TENM2: variants seen among roughly 807,000 people sequenced by gnomAD.
The protein encoded by TENM2 is teneurin transmembrane protein 2.
A neutral mutation model predicts 245.2 loss-of-function variants in TENM2; 52 were observed. That is an observed-to-expected ratio of 0.21 (90% CI 0.17 to 0.27). The LOEUF (loss-of-function observed/expected upper bound fraction) is 0.27, where lower values mean the gene tolerates loss of function less well. Among genes scored for constraint, TENM2 ranks in the 10% least tolerant of loss-of-function variants. TENM2 has a pLI of 1.00. For synonymous variants in TENM2, 1,363 were observed against 1,438.9 expected, an observed-to-expected ratio of 0.95 and a Z score of 1.19; for missense variants, 3,046 against 3,666.8, an observed-to-expected ratio of 0.83 and a Z score of 4.37.
chr5:167,029,566 C>A, the TENM2 span, among the ~76,000 whole-genome samples: 1 of 152,100 alleles, frequency 6.6e-6, no homozygotes, highest in Non-Finnish European at 1.5e-5. Flanking sequence ...AAACCTGGCT[C>A]CATTGCTTTC....
At chr5:167,595,324 A>C (rs943661974) in intron 2 of TENM2, among the ~76,000 whole-genome samples, 2 of 152,172 alleles carry the variant, frequency 1.3e-5, no homozygotes, top group African/African-American at 4.8e-5. Context: ...AGGTGCCAAG[A>C]AATATCGAGC....
the TENM2 span, among the ~76,000 whole-genome samples, chr5:167,006,815 T>G: frequency 2.0e-5 from 3 of 152,010 alleles, no homozygotes; most frequent in East Asian, 5.8e-4. Context: ...TACAGGCATG[T>G]GCCACCACGC....
intron 12 of TENM2, among the ~76,000 whole-genome samples, chr5:168,151,906 A>G (rs974833042): frequency 1.4e-4 from 22 of 152,220 alleles, no homozygotes; most frequent in African/African-American, 5.3e-4. Flanking sequence ...ATGATGACCA[A>G]TGATTCCAGG....
At chr5:167,282,699 G>A (rs1771127870), upstream of TENM2, among the ~76,000 whole-genome samples, 1 of 152,146 alleles carries the variant, frequency 6.6e-6, no homozygotes, top group Non-Finnish European at 1.5e-5. Context: ...AGTGGTCATG[G>A]TAGGACTGGC....
the TENM2 span, among the ~76,000 whole-genome samples, chr5:167,068,690 G>A: frequency 2.0e-5 from 3 of 151,926 alleles, no homozygotes; most frequent in Non-Finnish European, 4.4e-5. Flanking sequence ...GGCTTGAAAT[G>A]GTATCACATA....
chr5:168,019,223 G>A (rs1285891726), intron 5 of TENM2, among the ~76,000 whole-genome samples: 1 of 152,114 alleles, frequency 6.6e-6, no homozygotes, highest in African/African-American at 2.4e-5. Context: ...TGGGGAGAAG[G>A]ACAGCATGAC....
At chr5:166,979,871 G>T in the TENM2 span, among the ~76,000 whole-genome samples, 2 of 152,070 alleles carry the variant, frequency 1.3e-5, no homozygotes, top group African/African-American at 4.8e-5. Context: ...CGCAATTATA[G>T]GGATTTTTTT....
chr5:167,158,816 G>A, the TENM2 span, among the ~76,000 whole-genome samples: 1 of 150,724 alleles, frequency 6.6e-6, no homozygotes, highest in South Asian at 2.1e-4. Context: ...ATGATTTCTA[G>A]GGAGAATACA....
At chr5:167,995,246 T>C (rs1783967961) in intron 5 of TENM2, among the ~76,000 whole-genome samples, 2 of 152,208 alleles carry the variant, frequency 1.3e-5, no homozygotes, top group Admixed American at 1.3e-4. Flanking sequence ...AGGGCAGTCA[T>C]ATACATGGGA....
At chr5:168,168,584 C>T (rs908668271) in intron 13 of TENM2, among the ~76,000 whole-genome samples, 1 of 150,508 alleles carries the variant, frequency 6.6e-6, no homozygotes, top group Admixed American at 6.7e-5. Context: ...CTCAGGAGGC[C>T]GAGGTAGAAG....
In TENM2 at chr5:168,247,941, T is replaced by G. The variant is rs773781985; in HGVS notation, c.7002T>G (p.His2334Gln). 3 of 1,613,946 alleles carry G rather than the reference T, an allele frequency of 1.9e-6. No homozygotes were observed. The South Asian group carries it at 3.3e-5, about 18-fold the overall frequency. ...TCCACAACCCGACGCGCATCACCCA[T>G]GTCTACAATCACTCCAACTCGGAGA... The change falls in exon 27 of 29, where the codon CAT becomes CAG. Residue 2334 changes from histidine (H) to glutamine (Q), a missense_variant. By Grantham distance (24) the His-to-Gln change is conservative. This residue lies in a region of TENM2 where 2,704 missense variants were observed against 3,331.9 expected (regional missense o/e 0.81). Transcript: ENST00000518659. This position sits in a 1 kb window ranked among gnomAD's most constrained non-coding sequence, Gnocchi z 7.8.
intron 3 of TENM2, among the ~76,000 whole-genome samples, chr5:167,903,306 G>A (rs115061352): frequency 5.9e-5 from 9 of 152,208 alleles, no homozygotes; most frequent in Admixed American, 2.0e-4. Context: ...CTAAGCTCAC[G>A]AAGCTTCTCT....
At chr5:168,192,787 G>A (rs1581591902) in intron 14 of TENM2, among the ~76,000 whole-genome samples, 2 of 152,306 alleles carry the variant, frequency 1.3e-5, no homozygotes, top group South Asian at 4.1e-4. Flanking sequence ...TGACTGGGCA[G>A]AGCTTGCACT....
At chr5:168,024,301 G>T (rs550140834) in intron 5 of TENM2, among the ~76,000 whole-genome samples, 3 of 152,130 alleles carry the variant, frequency 2.0e-5, no homozygotes, top group African/African-American at 7.2e-5. Flanking sequence ...GAGCTCCTGC[G>T]TGCAGGGACA....
intron 5 of TENM2, among the ~76,000 whole-genome samples, chr5:168,044,508 T>C (rs17069705): frequency 6.6e-6 from 1 of 152,008 alleles, no homozygotes; most frequent in Non-Finnish European, 1.5e-5. Flanking sequence ...CCTCTGATTA[T>C]GTGTTTTTTA....
intron 4 of TENM2, among the ~76,000 whole-genome samples, chr5:167,954,503 C>T (rs1250439002): frequency 6.6e-6 from 1 of 152,152 alleles, no homozygotes; most frequent in Non-Finnish European, 1.5e-5. Flanking sequence ...TTCTGGGATA[C>T]ATGTGCAGAA....
chr5:168,113,614 TG>T (rs1230482192), intron 9 of TENM2, among the ~76,000 whole-genome samples: 1 of 63,462 alleles, frequency 1.6e-5, no homozygotes, highest in Non-Finnish European at 3.0e-5. Flanking sequence ...GAGAACTTTG[TG>T]GGGGCTGGGA....
the TENM2 span, among the ~76,000 whole-genome samples, chr5:167,098,955 A>G: frequency 6.6e-6 from 1 of 152,228 alleles, no homozygotes; most frequent in African/African-American, 2.4e-5. Context: ...CTCTGCAGCC[A>G]GGGCCATGGA....
intron 7 of TENM2, among the ~76,000 whole-genome samples, chr5:168,089,019 T>C (rs1364910885): frequency 6.6e-6 from 1 of 152,228 alleles, no homozygotes; most frequent in African/African-American, 2.4e-5. Context: ...ACACTTTGAA[T>C]GTTCTCTGGA....
Sources: allele counts gnomAD v4.1 joint callset (sites outside exome capture counted in the v4.1 genomes callset), GRCh38; gene constraint gnomAD v4.1.1; regional missense constraint gnomAD v4.1.1; non-coding constraint Gnocchi (gnomAD v3.1); transcripts MANE v1.5; gene names NCBI Gene and HGNC (gene_info 2026-07-23, HGNC 2026-07-21).